SPPL3: variants seen among roughly 807,000 people sequenced by gnomAD.
The protein encoded by SPPL3 is signal peptide peptidase like 3, also known as signal peptide peptidase-like 3.
Under a neutral mutation model 42.4 loss-of-function variants are expected in SPPL3, and 5 were observed. The ratio of observed to expected loss-of-function variants is 0.12; its 90% CI spans 0.06 to 0.25. SPPL3 has a LOEUF of 0.25. Ranked by LOEUF, SPPL3 falls within the 10% of genes least tolerant of loss-of-function variation. The probability of loss-of-function intolerance (pLI) is 1.00; values close to 1 mark genes in which losing one functional copy is unlikely to be tolerated. For missense variants in SPPL3, 235 were observed against 489.0 expected, an observed-to-expected ratio of 0.48 and a Z score of 4.90; for synonymous variants, 195 against 181.8, an observed-to-expected ratio of 1.07 and a Z score of -0.58.
intron 1 of SPPL3, among the ~76,000 whole-genome samples, chr12:120,824,767 G>C (rs186829882): frequency 6.6e-6 from 1 of 152,240 alleles, no homozygotes; most frequent in Admixed American, 6.5e-5. Context: ...TGAACTCCTA[G>C]ACTCAAGTGA....
intron 4 of SPPL3, 139 bp from the exon 5 acceptor site, chr12:120,783,891 G>T: frequency 1.6e-6 from 1 of 622,930 alleles, no homozygotes; most frequent in Non-Finnish European, 2.7e-6. Flanking sequence ...CTTTAATACT[G>T]CACAAAAAAT....
At chr12:120,823,742 G>C (rs966417584) in intron 1 of SPPL3, among the ~76,000 whole-genome samples, 1 of 152,112 alleles carries the variant, frequency 6.6e-6, no homozygotes, top group African/African-American at 2.4e-5. Flanking sequence ...CATGTGCCCA[G>C]CACTGTCCTA....
chr12:120,832,265 T>C (rs1254920118), intron 1 of SPPL3, among the ~76,000 whole-genome samples: 1 of 152,208 alleles, frequency 6.6e-6, no homozygotes, highest in African/African-American at 2.4e-5. Context: ...GAGTAGGACA[T>C]TTAATTAATC....
rs71453512 is a variant in SPPL3, at chr12:120,871,130, C to CAAAAAAAAAAAAAAAAAAA, written c.23+32696_23+32714dup. Reference sequence around the variant, plus strand: ...GGGCGACAGAGTGAGACTCCGTCTCCAAAAAAAAAAAAAAAAAAAGAAAAA... The same window carrying CAAAAAAAAAAAAAAAAAAA: ...GGGCGACAGAGTGAGACTCCGTCTCCAAAAAAAAAAAAAAAAAAAAAAAAAAAAAAAAAAAAAAGAAAAA... On this transcript the variant is annotated intron_variant, in intron 1 of 10. Transcript: ENST00000353487. 1.6e-3 allele frequency among the ~76,000 whole-genome samples: 81 copies of CAAAAAAAAAAAAAAAAAAA among 51,706 alleles called. 5 individuals are homozygous for CAAAAAAAAAAAAAAAAAAA. Among genetic ancestry groups the CAAAAAAAAAAAAAAAAAAA allele is most frequent in the East Asian group, 7.0e-3 (7 of 998 alleles). The allele number at this position is 51,706 out of a possible 152,430, so 33.9% of individuals were successfully genotyped here. A position where few individuals can be genotyped will look rare whatever the true frequency, so the allele number is the denominator to read the frequency against.
intron 1 of SPPL3, among the ~76,000 whole-genome samples, chr12:120,839,610 A>AT (rs1296006490): frequency 6.6e-6 from 1 of 152,222 alleles, no homozygotes; most frequent in Non-Finnish European, 1.5e-5. Context: ...TAGCATACTA[A>AT]AATTCCTAAC....
chr12:120,781,555 G>GTTTTTTTTTTT lies in SPPL3; in HGVS notation c.502+1089_502+1099dup, dbSNP rs527339173. 4.8e-5 allele frequency among the ~76,000 whole-genome samples: 3 copies of GTTTTTTTTTTT among 63,008 alleles called. 1 individual carries two copies. Among genetic ancestry groups the GTTTTTTTTTTT allele is most frequent in the African/African-American group, 2.0e-4 (3 of 14,640 alleles). The allele number at this position is 63,008 out of a possible 152,430, so 41.3% of individuals were successfully genotyped here. A position where few individuals can be genotyped will look rare whatever the true frequency, so the allele number is the denominator to read the frequency against. On this transcript the variant is annotated intron_variant, in intron 6 of 10. Coordinates refer to ENST00000353487, the MANE Select transcript of SPPL3 (RefSeq NM_139015.5). Reference sequence around the variant, plus strand: ...TCTAATCCCATCTCCTTATTGTTACGTTTTTTTTTTTTTTTTTTTTTTTTT... The same window carrying GTTTTTTTTTTT: ...TCTAATCCCATCTCCTTATTGTTACGTTTTTTTTTTTTTTTTTTTTTTTTTTTTTTTTTTTT...
intron 5 of SPPL3, 116 bp from the exon 6 acceptor site, chr12:120,782,883 A>G: frequency 1.4e-6 from 1 of 721,404 alleles, no homozygotes; most frequent in Middle Eastern, 2.4e-4. Context: ...AGATAGCTGG[A>G]AATCCAAAAT....
At position 120,846,123 on chromosome 12, in the gene SPPL3, C is replaced by T. The variant is rs1872032593; in HGVS notation, c.24-35237G>A. Among the ~76,000 whole-genome samples the T allele has an allele frequency of 1.3e-5, 2 of 152,152 alleles. 1 individual carries two copies. Among genetic ancestry groups the T allele is most frequent in the Admixed American group, 1.3e-4 (2 of 15,266 alleles). The stretch of plus-strand genomic sequence containing the variant: ...TGTTGGCCAGGCTGGTCTCAAAGTC[C>T]TGTCATTACTGATATTTTTTTTAGG... On this transcript the variant is annotated intron_variant, in intron 1 of 10. Coordinates refer to ENST00000353487, the MANE Select transcript of SPPL3 (RefSeq NM_139015.5).
At chr12:120,801,942 A>C (rs1399371684) in intron 2 of SPPL3, among the ~76,000 whole-genome samples, 1 of 152,210 alleles carries the variant, frequency 6.6e-6, no homozygotes, top group African/African-American at 2.4e-5. Flanking sequence ...TTTCACATGA[A>C]GTTTATTACA....
intron 1 of SPPL3, among the ~76,000 whole-genome samples, chr12:120,855,820 G>A (rs1468543126): frequency 6.6e-6 from 1 of 151,766 alleles, no homozygotes; most frequent in Admixed American, 6.6e-5. Context: ...CAAATGAATG[G>A]GGGTGTACTT....
At chr12:120,818,831 A>G (rs1375369011) in intron 1 of SPPL3, among the ~76,000 whole-genome samples, 1 of 152,230 alleles carries the variant, frequency 6.6e-6, no homozygotes, top group Non-Finnish European at 1.5e-5. Context: ...AATATTATTT[A>G]TACACAATAA....
intron 6 of SPPL3, among the ~76,000 whole-genome samples, chr12:120,778,548 T>C (rs890034875): frequency 5.3e-5 from 8 of 152,182 alleles, no homozygotes; most frequent in Non-Finnish European, 1.0e-4. Context: ...GTTTTTTCTT[T>C]ATAGTCACCC....
chr12:120,891,126 A>G (rs1422271371), intron 1 of SPPL3, among the ~76,000 whole-genome samples: 1 of 152,142 alleles, frequency 6.6e-6, no homozygotes, highest in African/African-American at 2.4e-5. Context: ...CACATTTGCC[A>G]TTCACATTTC....
intron 6 of SPPL3, among the ~76,000 whole-genome samples, chr12:120,778,665 T>C (rs1318961268): frequency 6.6e-6 from 1 of 152,258 alleles, no homozygotes; most frequent in Non-Finnish European, 1.5e-5. Flanking sequence ...TATATTTGTA[T>C]GCTTTACAAT....
intron 1 of SPPL3, among the ~76,000 whole-genome samples, chr12:120,818,148 G>C (rs1159122637): frequency 6.6e-6 from 1 of 152,082 alleles, no homozygotes; most frequent in African/African-American, 2.4e-5. Context: ...AGAGGCTCTG[G>C]GCGGACATGA....
intron 1 of SPPL3, among the ~76,000 whole-genome samples, chr12:120,874,452 CA>C (rs71076673): frequency 0.46 from 44,516 of 96,878 alleles, 7,102 homozygotes; most frequent in Middle Eastern, 0.59. Flanking sequence ...GACCCTGTCG[CA>C]AAAAAAAAAA....
intron 1 of SPPL3, among the ~76,000 whole-genome samples, chr12:120,824,008 C>T (rs1871161387): frequency 6.6e-6 from 1 of 151,884 alleles, no homozygotes; most frequent in South Asian, 2.1e-4. Flanking sequence ...GTAGCTGGGA[C>T]TACAGGCGCC....
chr12:120,835,478 A>T (rs1871583099), intron 1 of SPPL3: 1 of 152,240 alleles, frequency 6.6e-6, no homozygotes, highest in Admixed American at 6.5e-5. Flanking sequence ...GAAGTCTAAG[A>T]TCTATCCTCT....
At chr12:120,846,571 G>A (rs1388005324) in intron 1 of SPPL3, among the ~76,000 whole-genome samples, 1 of 152,192 alleles carries the variant, frequency 6.6e-6, no homozygotes, top group Non-Finnish European at 1.5e-5. Context: ...GTAAGCTACG[G>A]TTGATCTGCT....
Sources: allele counts gnomAD v4.1 joint callset (sites outside exome capture counted in the v4.1 genomes callset), GRCh38; gene constraint gnomAD v4.1.1; transcripts MANE v1.5; gene names NCBI Gene and HGNC (gene_info 2026-07-23, HGNC 2026-07-21).